HS6ST3: variants seen among roughly 807,000 people sequenced by gnomAD.
HS6ST3 encodes heparan-sulfate 6-O-sulfotransferase 3.
In HS6ST3, 12 loss-of-function variants were observed where a neutral mutation model predicts 36.7. The observed-to-expected ratio is 0.33, with a 90% confidence interval of 0.21 to 0.53. HS6ST3 has a LOEUF of 0.53. Ranked by LOEUF, HS6ST3 falls within the 20% of genes least tolerant of loss-of-function variation. The pLI, the probability that HS6ST3 is intolerant of heterozygous loss-of-function variation, is 0.95. For missense variants in HS6ST3, 584 were observed against 640.9 expected (o/e 0.91, Z 0.96); for synonymous variants, 240 against 257.5 (o/e 0.93, Z 0.65).
At chr13:96,507,200 G>T (rs1435850863) in intron 1 of HS6ST3, among the ~76,000 whole-genome samples, 1 of 152,142 alleles carries the variant, frequency 6.6e-6, no homozygotes, top group African/African-American at 2.4e-5. Context: ...GCCTCTGTTG[G>T]AGAATTCTGC....
intron 1 of HS6ST3, among the ~76,000 whole-genome samples, chr13:96,799,958 A>ATG (rs746217603): frequency 7.6e-5 from 7 of 92,536 alleles, no homozygotes; most frequent in African/African-American, 1.3e-4. Context: ...ATATATATAT[A>ATG]TATATGTGTA....
At chr13:96,369,997 A>G (rs1049129354) in intron 1 of HS6ST3, among the ~76,000 whole-genome samples, 2 of 152,094 alleles carry the variant, frequency 1.3e-5, no homozygotes, top group East Asian at 3.9e-4. Flanking sequence ...AGAGCAAGTC[A>G]CTTCTCTCTG....
chr13:96,270,477 C>G (rs1488741127), intron 1 of HS6ST3, among the ~76,000 whole-genome samples: 1 of 151,738 alleles, frequency 6.6e-6, no homozygotes, highest in Non-Finnish European at 1.5e-5. Context: ...TAATTTGAAA[C>G]CTATTATTTT....
At chr13:96,788,867 T>A (rs1411406183) in intron 1 of HS6ST3, among the ~76,000 whole-genome samples, 2 of 151,898 alleles carry the variant, frequency 1.3e-5, no homozygotes, top group African/African-American at 4.8e-5. Flanking sequence ...GATTAGTGTT[T>A]GCATGAGTAA....
At chr13:96,351,318 G>A (rs2055182351) in intron 1 of HS6ST3, among the ~76,000 whole-genome samples, 1 of 40,708 alleles carries the variant, frequency 2.5e-5, no homozygotes, top group Non-Finnish European at 4.4e-5. Context: ...GAAGGTGGCA[G>A]TCTTTTTTTT....
chr13:96,662,279 C>A (rs940390892), intron 1 of HS6ST3, among the ~76,000 whole-genome samples: 3 of 152,092 alleles, frequency 2.0e-5, no homozygotes, highest in Non-Finnish European at 2.9e-5. Context: ...TTTCTTGAAG[C>A]CTTTGTTCAT....
chr13:96,502,374 T>C (rs564650296), intron 1 of HS6ST3, among the ~76,000 whole-genome samples: 70 of 151,264 alleles, frequency 4.6e-4, no homozygotes, highest in African/African-American at 1.6e-3. Context: ...TTTTTTTTTT[T>C]CATCTGGCAG....
At chr13:96,320,118 G>A (rs2139414440) in intron 1 of HS6ST3, among the ~76,000 whole-genome samples, 1 of 152,302 alleles carries the variant, frequency 6.6e-6, no homozygotes, top group East Asian at 1.9e-4. Flanking sequence ...CCCTGATGCA[G>A]TGTCTTGGAG....
chr13:96,736,147 A>G (rs1021597012), intron 1 of HS6ST3, among the ~76,000 whole-genome samples: 1 of 152,122 alleles, frequency 6.6e-6, no homozygotes, highest in Non-Finnish European at 1.5e-5. Context: ...TGATGAAATA[A>G]TCTGTACAAC....
intron 1 of HS6ST3, among the ~76,000 whole-genome samples, chr13:96,349,173 C>T (rs972972359): frequency 6.6e-6 from 1 of 152,146 alleles, no homozygotes; most frequent in East Asian, 1.9e-4. Context: ...AGTAGTAGTG[C>T]AATTTTCAGT....
In HS6ST3 at chr13:96,467,272, C is replaced by T. The variant is rs144872509; in HGVS notation, c.708-365218C>T. 3.2e-3 allele frequency among the ~76,000 whole-genome samples: 486 copies of T among 152,150 alleles called. 1 individual carries two copies. The highest frequency in any genetic ancestry group is 0.011 in the African/African-American group (470 of 41,506). On this transcript the variant is annotated intron_variant, in intron 1 of 1. Transcript: ENST00000376705. ...AAGCTATCTCTCAAGCATTACTATT[C>T]AATATGATAAGAAGGAGAAAGAAGG...
intron 1 of HS6ST3, among the ~76,000 whole-genome samples, chr13:96,431,343 C>T (rs183093758): frequency 1.3e-5 from 2 of 152,238 alleles, no homozygotes; most frequent in East Asian, 3.9e-4. Flanking sequence ...TTTCCTCTTT[C>T]GTTCCCTCCT....
chr13:96,547,233 G>A (rs942726892), intron 1 of HS6ST3, among the ~76,000 whole-genome samples: 1 of 152,172 alleles, frequency 6.6e-6, no homozygotes, highest in Non-Finnish European at 1.5e-5. Context: ...ATAGTGCAGG[G>A]CATGTGTGCA....
chr13:96,328,200 A>G (rs1436575053), intron 1 of HS6ST3, among the ~76,000 whole-genome samples: 1 of 145,064 alleles, frequency 6.9e-6, no homozygotes, highest in Non-Finnish European at 1.5e-5. Context: ...TGCCCTGGCC[A>G]GAACTTCCAA....
Position 96,784,237 on chromosome 13 carries a change from T to G in HS6ST3, c.708-48253T>G, listed in dbSNP as rs190254123. On this transcript the variant is annotated intron_variant, in intron 1 of 1. Coordinates refer to ENST00000376705, the MANE Select transcript of HS6ST3 (RefSeq NM_153456.4). ...CCCCTTGAGAAATAAATGACCTACT[T>G]GACTGACCTATCTGGCTGAAAGACT... Among the ~76,000 whole-genome samples, 10 of 152,326 alleles carry G rather than the reference T, an allele frequency of 6.6e-5. No homozygotes were observed. In the East Asian group the frequency reaches 1.9e-3, roughly 29 times the overall value.
intron 1 of HS6ST3, among the ~76,000 whole-genome samples, chr13:96,235,087 T>C (rs2054527926): frequency 6.6e-6 from 1 of 152,144 alleles, no homozygotes; most frequent in East Asian, 1.9e-4. Flanking sequence ...TGTGATACCA[T>C]GCATTTATTA....
At chr13:96,577,748 C>T (rs1036021464) in intron 1 of HS6ST3, among the ~76,000 whole-genome samples, 7 of 152,180 alleles carry the variant, frequency 4.6e-5, no homozygotes, top group African/African-American at 1.7e-4. Context: ...AAAAGCTCAT[C>T]GTCACTGGTC....
chr13:96,298,562 C>T (rs2054866563), intron 1 of HS6ST3, among the ~76,000 whole-genome samples: 1 of 152,176 alleles, frequency 6.6e-6, no homozygotes, highest in Non-Finnish European at 1.5e-5. Flanking sequence ...AATGCCTTGC[C>T]CTCTTCCTGT....
At chr13:96,459,654 C>T (rs1216252019) in intron 1 of HS6ST3, among the ~76,000 whole-genome samples, 1 of 152,086 alleles carries the variant, frequency 6.6e-6, no homozygotes, top group Non-Finnish European at 1.5e-5. Context: ...TAATTTTTCT[C>T]TTGTATTTCA....
Sources: allele counts gnomAD v4.1 joint callset (sites outside exome capture counted in the v4.1 genomes callset), GRCh38; gene constraint gnomAD v4.1.1; transcripts MANE v1.5; gene names NCBI Gene and HGNC (gene_info 2026-07-23, HGNC 2026-07-21).